Variants in PUM2 observed in about 807,000 individuals in gnomAD.
The protein encoded by PUM2 is pumilio homolog 2.
PUM2 carries 57 observed loss-of-function variants against 124.5 expected under a neutral mutation model. The observed-to-expected ratio is 0.46, with a 90% CI of 0.37 to 0.57. PUM2 has a LOEUF of 0.57. PUM2 is among the 20% of genes least tolerant of loss of function. The pLI is 0.00. For synonymous variants in PUM2, 460 were observed against 446.1 expected, an observed-to-expected ratio of 1.03 and a Z score of -0.39; for missense variants, 1,065 against 1,290.6, an observed-to-expected ratio of 0.83 and a Z score of 2.68.
intron 2 of PUM2, among the ~76,000 whole-genome samples, chr2:20,326,557 CCACAA>C (rs1683726772): frequency 1.3e-5 from 2 of 152,156 alleles, no homozygotes; most frequent in African/African-American, 2.4e-5. Context: ...ACAGATGTCA[CCACAA>C]GAGTTTCCAT....
At position 20,309,158 on chromosome 2, in the gene PUM2, T is replaced by A. The variant is rs138756254; in HGVS notation, c.519-574A>T. 9.0e-3 allele frequency among the ~76,000 whole-genome samples: 1,374 copies of A among 152,304 alleles called. 11 individuals carry two copies. Among genetic ancestry groups the A allele is most frequent in the Non-Finnish European group, 0.016 (1,066 of 68,010 alleles). The stretch of plus-strand genomic sequence containing the variant: ...TACTATACATGATAAGTCAAAAGGC[T>A]GACTTCTGACTTTGTCTTTTAAATA... On this transcript the variant is annotated intron_variant, in intron 5 of 20. Transcript: ENST00000361078.
At position 20,350,651 on chromosome 2, in the gene PUM2, G is replaced by A; in HGVS notation, c.-73C>T. The A allele has an allele frequency of 1.7e-5, 17 of 985,498 alleles. No individual in the cohort carries two copies. The highest frequency in any genetic ancestry group is 2.0e-5 in the Non-Finnish European group (17 of 830,030). The allele number at this position is 985,498 out of a possible 1,614,324, so 61.0% of individuals were successfully genotyped here. ...GGGGACACCGACCGTTGGGCACACG[G>A]CGGCGTCGCTCTTGGCGGTCCTCCC... On this transcript the variant is annotated 5_prime_UTR_variant, in exon 1 of 21. Coordinates refer to ENST00000361078, the MANE Select transcript of PUM2 (RefSeq NM_015317.5).
At chr2:20,274,353 G>A (rs1669696179) in intron 13 of PUM2, among the ~76,000 whole-genome samples, 1 of 152,072 alleles carries the variant, frequency 6.6e-6, no homozygotes, top group Non-Finnish European at 1.5e-5. Flanking sequence ...CAGAAAAATG[G>A]CAGGTGGCCT....
At chr2:20,300,439 G>C (rs1364247843) in intron 7 of PUM2, among the ~76,000 whole-genome samples, 1 of 152,212 alleles carries the variant, frequency 6.6e-6, no homozygotes, top group African/African-American at 2.4e-5. Flanking sequence ...GTGAGCCATA[G>C]CACCCGGCCT....
intron 1 of PUM2, among the ~76,000 whole-genome samples, chr2:20,342,487 G>A (rs1258528273): frequency 6.6e-6 from 1 of 152,086 alleles, no homozygotes; most frequent in Non-Finnish European, 1.5e-5. Flanking sequence ...TAACTTTTCT[G>A]TAAATGTTAA....
intron 12 of PUM2, among the ~76,000 whole-genome samples, chr2:20,282,559 T>A (rs1671783629): frequency 6.6e-6 from 1 of 152,180 alleles, no homozygotes; most frequent in Admixed American, 6.5e-5. Context: ...CAAAGATAAC[T>A]GCTTTAAAAT....
chr2:20,250,888 G>A lies in PUM2; in HGVS notation c.*697C>T, dbSNP rs1663139263. ...TTTAACTCTTACAACAATTACATAT[G>A]TAAGTATATACAATATTTCTGTACA... On this transcript the variant is annotated 3_prime_UTR_variant, in exon 21 of 21. Coordinates refer to ENST00000361078, the MANE Select transcript of PUM2 (RefSeq NM_015317.5). The A allele has an allele frequency of 6.6e-6, 1 of 152,546 alleles. No homozygotes were observed. The highest frequency in any genetic ancestry group is 2.1e-4 in the South Asian group (1 of 4,832). 9.4% of individuals were successfully genotyped at this position (152,546 alleles called of 1,614,324 possible). A position where few individuals can be genotyped will look rare whatever the true frequency, so the allele number is the denominator to read the frequency against.
Position 20,290,735 on chromosome 2 carries a change from C to T in PUM2, c.1208G>A (p.Gly403Glu), listed in dbSNP as rs973681453. 1.2e-6 allele frequency: 2 copies of T among 1,613,072 alleles called. No individual in the cohort carries two copies. Among genetic ancestry groups the T allele is most frequent in the Non-Finnish European group, 1.7e-6 (2 of 1,179,812 alleles). ...RPLTPNQGQQ[G>E]QQAESLAAAA... is the part of the protein sequence containing the mutation. ...TGCCGCAAGTGATTCTGCTTGCTGC[C>T]CTTGCTGACCCTGATTGGGAGTAAG... The change falls in exon 10 of 21, where the codon GGG (glycine) becomes GAG (glutamate). Residue 403 changes from glycine to glutamate, a missense_variant. Transcript: ENST00000361078.
intron 1 of PUM2, among the ~76,000 whole-genome samples, chr2:20,341,693 T>C (rs188308049): frequency 1.3e-5 from 2 of 152,364 alleles, no homozygotes; most frequent in East Asian, 1.9e-4. Flanking sequence ...ACAAAAGTTA[T>C]TGTGTTACTT....
At chr2:20,347,885 C>T (rs2149169266) in intron 1 of PUM2, among the ~76,000 whole-genome samples, 1 of 152,292 alleles carries the variant, frequency 6.6e-6, no homozygotes. Context: ...AAATTAAGTG[C>T]TTTCTGCAGG....
chr2:20,262,297 T>A (rs769805971), intron 14 of PUM2, among the ~76,000 whole-genome samples: 1 of 152,250 alleles, frequency 6.6e-6, no homozygotes, highest in Non-Finnish European at 1.5e-5. Flanking sequence ...TTAAGTCCCC[T>A]ACACACGCAT....
At chr2:20,274,575 A>T (rs572769724) in intron 13 of PUM2, among the ~76,000 whole-genome samples, 6 of 152,206 alleles carry the variant, frequency 3.9e-5, no homozygotes, top group Non-Finnish European at 5.9e-5. Context: ...TTACCTGCTG[A>T]ATACATGACA....
chr2:20,269,450 C>T (rs1035398259), intron 13 of PUM2, among the ~76,000 whole-genome samples: 2 of 152,092 alleles, frequency 1.3e-5, no homozygotes, highest in Non-Finnish European at 2.9e-5. Context: ...ATCCACCTGC[C>T]TTGGCCTCCC....
Position 20,294,419 on chromosome 2 carries a change from G to T in PUM2, c.1109C>A (p.Ala370Asp). The T allele has an allele frequency of 6.2e-7, 1 of 1,614,148 alleles. No homozygotes were observed. Among genetic ancestry groups the T allele is most frequent in the South Asian group, 1.1e-5 (1 of 91,084 alleles). Residue 370 changes from alanine (A) to aspartate (D), a missense_variant, in exon 9 of 21, where the codon GCC becomes GAC. Physicochemically the swap from Ala to Asp is moderately radical, Grantham distance 126. Around this residue, in one of 3 missense-constraint regions of PUM2, gnomAD observed 968 missense variants for 1,159.8 expected, o/e 0.83. Transcript: ENST00000361078. ...QQAAAAANNT[A>D]SQQAASQAQP... ...AGCTTGTGATGCTGCTTGCTGACTG[G>T]CTGTGTTATTTGCCGCAGCTGCAGC...
intron 1 of PUM2, among the ~76,000 whole-genome samples, chr2:20,334,552 A>T (rs1437424459): frequency 6.6e-6 from 1 of 152,190 alleles, no homozygotes; most frequent in East Asian, 1.9e-4. Context: ...TAGCTATGTA[A>T]ACGTTCAACA....
intron 12 of PUM2, among the ~76,000 whole-genome samples, chr2:20,282,506 A>G (rs551179182): frequency 3.9e-5 from 6 of 152,216 alleles, no homozygotes; most frequent in Admixed American, 1.3e-4. Context: ...AAACTGTAAT[A>G]AACTACCAGC....
chr2:20,329,101 G>A (rs1456618886), intron 1 of PUM2, among the ~76,000 whole-genome samples: 1 of 150,854 alleles, frequency 6.6e-6, no homozygotes, highest in Non-Finnish European at 1.5e-5. Context: ...AGCCTGGAAG[G>A]TCAAGGCTAC....
intron 2 of PUM2, 102 bp from the exon 3 acceptor site, chr2:20,318,747 A>T: frequency 1.4e-6 from 1 of 701,184 alleles, no homozygotes; most frequent in Non-Finnish European, 2.2e-6. Flanking sequence ...TTAGTTTTCA[A>T]TGCTAATGAA....
intron 3 of PUM2, among the ~76,000 whole-genome samples, chr2:20,313,006 G>A (rs1327156804): frequency 6.6e-6 from 1 of 152,150 alleles, no homozygotes; most frequent in African/African-American, 2.4e-5. Context: ...AAACTGGCTA[G>A]CCATATGTAG....
Sources: gnomAD v4.1 joint callset for allele counts (sites outside exome capture counted in the v4.1 genomes callset) on GRCh38, gnomAD v4.1.1 for gene constraint, gnomAD v4.1.1 regional missense constraint, MANE v1.5 for transcripts, NCBI Gene and HGNC (gene_info 2026-07-23, HGNC 2026-07-21) for gene names.